Variants in EIF3B observed in about 807,000 individuals in gnomAD.
EIF3B encodes eukaryotic translation initiation factor 3 subunit B.
EIF3B carries 10 observed loss-of-function variants against 104.6 expected under a neutral mutation model. The ratio of observed to expected loss-of-function variants is 0.10; its 90% CI spans 0.06 to 0.16. EIF3B has a LOEUF of 0.16. Ranked by LOEUF, EIF3B falls within the 10% of genes least tolerant of loss-of-function variation. The probability of loss-of-function intolerance (pLI) is 1.00; values close to 1 mark genes in which losing one functional copy is unlikely to be tolerated. For synonymous variants in EIF3B, 542 were observed against 417.2 expected (o/e 1.30, Z -3.65); for missense variants, 1,014 against 1,087.9 (o/e 0.93, Z 0.96).
intron 3 of EIF3B, 82 bp from the exon 4 acceptor site, chr7:2,362,988 A>G: frequency 6.5e-7 from 1 of 1,543,916 alleles, no homozygotes; most frequent in Non-Finnish European, 8.9e-7. Context: ...GCAGGAGCAC[A>G]GCAGGGCCAT....
rs545964398 is a variant in EIF3B, at chr7:2,355,373, C to T, written c.452C>T (p.Pro151Leu). ...RALENGDADE[P>L]SFSDPEDFVD... ...CTGGAGAACGGCGACGCGGACGAGC[C>T]CTCCTTCAGCGACCCCGAGGACTTC... Residue 151 changes from proline (P) to leucine (L), a missense_variant, in exon 1 of 19, where the codon CCC (proline) becomes CTC (leucine). This residue lies in a region of EIF3B where 488 missense variants were observed against 404.3 expected (regional missense o/e 1.21). Coordinates refer to ENST00000360876, the MANE Select transcript of EIF3B (RefSeq NM_001037283.2). 2,384 of 1,532,548 alleles carry T rather than the reference C, an allele frequency of 1.6e-3. 62 individuals are homozygous for T. In the South Asian group the frequency reaches 0.026, roughly 17 times the overall value. 94.9% of individuals were successfully genotyped at this position (1,532,548 alleles called of 1,614,324 possible).
At chr7:2,372,104 C>T (rs1171748952) in intron 11 of EIF3B, 5 of 440,530 alleles carry the variant, frequency 1.1e-5, no homozygotes, top group African/African-American at 2.0e-5. Flanking sequence ...CTGTTTGAGA[C>T]GCTGAAGCGG....
chr7:2,354,856 G>A lies in EIF3B; in HGVS notation c.-66G>A, dbSNP rs1487911603. The A allele has an allele frequency of 4.6e-6, 5 of 1,075,700 alleles. No homozygotes were observed. The highest frequency in any genetic ancestry group is 5.6e-6 in the Non-Finnish European group (5 of 887,938). The allele number at this position is 1,075,700 out of a possible 1,614,324, so 66.6% of individuals were successfully genotyped here. ...CTGGGCTGTAGCCGTCGCGGCGCGC[G>A]GTGCGGCCTGGGAGAGTCGGAAGCG... On this transcript the variant is annotated 5_prime_UTR_variant, in exon 1 of 19. Coordinates refer to ENST00000360876, the MANE Select transcript of EIF3B (RefSeq NM_001037283.2).
chr7:2,372,743 G>T lies in EIF3B; in HGVS notation c.1758G>T (p.Arg586=), dbSNP rs141948054. 8.1e-6 allele frequency: 13 copies of T among 1,614,030 alleles called. No homozygotes were observed. The African/African-American group carries it at 1.6e-4, about 20-fold the overall frequency. The change falls in exon 12 of 19, where the codon CGG becomes CGT. Residue 586 remains arginine (R), a synonymous_variant. Coordinates refer to ENST00000360876, the MANE Select transcript of EIF3B (RefSeq NM_001037283.2). ...CTGTGCTGCACGGAGAGGCTCCGCGGATATCTGTGTCTTTCTACCACGTCA... is the reference window on the plus strand; with the variant it reads ...CTGTGCTGCACGGAGAGGCTCCGCGTATATCTGTGTCTTTCTACCACGTCA... ...KFAVLHGEAP[R]ISVSFYHVKN... is the part of the protein sequence containing the mutation.
chr7:2,368,958 T>C (rs970986893), intron 9 of EIF3B, among the ~76,000 whole-genome samples: 4 of 152,232 alleles, frequency 2.6e-5, no homozygotes, highest in Non-Finnish European at 5.9e-5. Context: ...TAAAGATGTT[T>C]TTCATGTAGG....
intron 14 of EIF3B, 142 bp downstream of exon 14, chr7:2,375,669 G>C: frequency 7.9e-7 from 1 of 1,260,586 alleles, no homozygotes; most frequent in Non-Finnish European, 1.1e-6. Context: ...GGTGTTAGTG[G>C]CAGGAGGAGG....
intron 6 of EIF3B, among the ~76,000 whole-genome samples, chr7:2,365,331 G>A (rs1234150774): frequency 2.6e-5 from 4 of 152,108 alleles, no homozygotes; most frequent in South Asian, 2.1e-4. Context: ...AGTGTGAGGC[G>A]AGCTGGGGCC....
intron 18 of EIF3B, chr7:2,379,875 T>C: frequency 3.4e-6 from 1 of 293,378 alleles, no homozygotes; most frequent in Non-Finnish European, 6.6e-6. Flanking sequence ...TGCACGGCTG[T>C]GACTGTGGTT....
At chr7:2,371,557 C>A (rs1300741072) in intron 10 of EIF3B, among the ~76,000 whole-genome samples, 1 of 152,158 alleles carries the variant, frequency 6.6e-6, no homozygotes, top group Non-Finnish European at 1.5e-5. Flanking sequence ...AGAGTTACTT[C>A]ATGCATGTCC....
At position 2,361,600 on chromosome 7, in the gene EIF3B, T is replaced by C. The variant is rs188002418; in HGVS notation, c.692+698T>C. Among the ~76,000 whole-genome samples the C allele has an allele frequency of 6.6e-4, 100 of 152,028 alleles. 1 individual carries two copies. The highest frequency in any genetic ancestry group is 2.2e-3 in the Admixed American group (34 of 15,252). ...ACGCCCGGCTAATTTTTTGTATTTT[T>C]AGTAGAGACGGGGTTTCACCATGTT... is the stretch of plus-strand genomic sequence containing the variant. On this transcript the variant is annotated intron_variant, in intron 2 of 18. Transcript: ENST00000360876.
At chr7:2,362,811 G>A in intron 3 of EIF3B, 47 bp downstream of exon 3, 1 of 1,611,876 alleles carries the variant, frequency 6.2e-7, no homozygotes. Flanking sequence ...ACGTGCAAGT[G>A]ACTGGCTGTG....
At chr7:2,375,210 ACT>A (rs1416310893) in intron 13 of EIF3B, 177 bp from the exon 14 acceptor site, 4 of 662,092 alleles carry the variant, frequency 6.0e-6, no homozygotes, top group Non-Finnish European at 8.0e-6. Flanking sequence ...CTCACTGCAC[ACT>A]CTGCATCTGT....
rs145719833 is a variant in EIF3B at position 2,368,516 on chromosome 7, T to C, written c.1404-956T>C. On this transcript the variant is annotated intron_variant, in intron 9 of 18. Coordinates refer to ENST00000360876, the MANE Select transcript of EIF3B (RefSeq NM_001037283.2). Reference sequence around the variant, plus strand: ...CAGTGGGCAGCAAGGCTGCTCAGCATTGGGCCCGCCACCCTTGAGGCACCA... The same window carrying C: ...CAGTGGGCAGCAAGGCTGCTCAGCACTGGGCCCGCCACCCTTGAGGCACCA... 2.3e-4 allele frequency among the ~76,000 whole-genome samples: 35 copies of C among 152,360 alleles called. No homozygotes were observed. In the East Asian group the frequency reaches 5.6e-3, roughly 24 times the overall value.
At chr7:2,376,371 C>T (rs1439583565) in intron 14 of EIF3B, 1 of 151,722 alleles carries the variant, frequency 6.6e-6, no homozygotes, top group African/African-American at 2.4e-5. Flanking sequence ...AAGCTGTTGA[C>T]CACTCTCCTT....
rs138527386 is a variant in EIF3B, at chr7:2,367,532, C to T, written c.1403+487C>T. On this transcript the variant is annotated intron_variant, in intron 9 of 18. Coordinates refer to ENST00000360876, the MANE Select transcript of EIF3B (RefSeq NM_001037283.2). ...TCCGTCAGGCTGGAGTGCAGTGATA[C>T]GATCTTGGCTCGCTGCAACCTCCAC... Among the ~76,000 whole-genome samples, 527 of 152,282 alleles carry T rather than the reference C, an allele frequency of 3.5e-3. 5 individuals are homozygous for T. The highest frequency in any genetic ancestry group is 0.012 in the African/African-American group (500 of 41,550).
intron 14 of EIF3B, 190 bp from the exon 15 acceptor site, chr7:2,376,760 C>A: frequency 1.4e-6 from 1 of 724,594 alleles, no homozygotes. Context: ...GCCCCGCACT[C>A]CGGGTCGGTT....
chr7:2,376,720 C>T lies in EIF3B; in HGVS notation c.2029-230C>T, dbSNP rs551326182. On this transcript the variant is annotated intron_variant, in intron 14 of 18. Transcript: ENST00000360876. ...GCCAGCCAGAATGTGCAGGCCTGTG[C>T]TGTGATGAGCGCTGCTCCAGCTGCT... 3.6e-4 allele frequency: 193 copies of T among 540,666 alleles called. 2 individuals carry two copies. In the South Asian group the frequency reaches 4.1e-3, roughly 12 times the overall value. The allele number at this position is 540,666 out of a possible 1,614,324, so 33.5% of individuals were successfully genotyped here.
In EIF3B at chr7:2,362,680, C is replaced by T. The variant is rs150739455; in HGVS notation, c.728C>T (p.Ala243Val). The T allele has an allele frequency of 3.3e-5, 54 of 1,614,138 alleles. 1 individual carries two copies. The highest frequency in any genetic ancestry group is 2.3e-5 in the Non-Finnish European group (27 of 1,180,048). The change falls in exon 3 of 19, where the codon GCT (alanine) becomes GTT (valine). Residue 243 changes from alanine to valine, a missense_variant. Ala to Val is a moderately conservative substitution (Grantham distance 64). Coordinates refer to ENST00000360876, the MANE Select transcript of EIF3B (RefSeq NM_001037283.2). ...CTGGAGTACGCGTCCCCTGCCCACG[C>T]TGTGGATGCTGTGAAGAACGCCGAC... is the stretch of plus-strand genomic sequence containing the variant. ...IFLEYASPAH[A>V]VDAVKNADGY...
At position 2,372,795 on chromosome 7, in the gene EIF3B, A is replaced by G. The variant is rs753158948; in HGVS notation, c.1810A>G (p.Lys604Glu). 1 of 1,613,730 alleles carries G rather than the reference A, an allele frequency of 6.2e-7. No homozygotes were observed. The highest frequency in any genetic ancestry group is 8.5e-7 in the Non-Finnish European group (1 of 1,179,844). ...VKNNGKIELI[K>E]MFDKQQANTI... The stretch of plus-strand genomic sequence containing the variant: ...AAACAACGGGAAGATTGAACTCATC[A>G]GTAAGTAACCTGGTCCCTTTCCTCT... Residue 604 changes from lysine to glutamate, a missense_variant and splice_region_variant, in exon 12 of 19, where the codon AAG (lysine) becomes GAG (glutamate). Physicochemically the swap from Lys to Glu is moderately conservative, Grantham distance 56. This residue lies in a region of EIF3B where 266 missense variants were observed against 324.0 expected (regional missense o/e 0.82). Transcript: ENST00000360876.
Sources: allele counts gnomAD v4.1 joint callset (sites outside exome capture counted in the v4.1 genomes callset), GRCh38; gene constraint gnomAD v4.1.1; regional missense constraint gnomAD v4.1.1; transcripts MANE v1.5; gene names NCBI Gene and HGNC (gene_info 2026-07-23, HGNC 2026-07-21).